The following PIEZO2 variants were observed in gnomAD, a reference collection of about 807,000 sequenced individuals.
PIEZO2 encodes piezo-type mechanosensitive ion channel component 2.
PIEZO2 carries 172 observed loss-of-function variants against 337.3 expected under a neutral mutation model. That is an observed-to-expected ratio of 0.51 (90% CI 0.45 to 0.58). The LOEUF (loss-of-function observed/expected upper bound fraction) is 0.58, where lower values mean the gene tolerates loss of function less well. PIEZO2 is among the 20% of genes least tolerant of loss of function. The pLI is 0.00. For missense variants in PIEZO2, 3,028 were observed against 3,391.3 expected, an observed-to-expected ratio of 0.89 and a Z score of 2.66; for synonymous variants, 1,251 against 1,228.5, an observed-to-expected ratio of 1.02 and a Z score of -0.38.
At chr18:10,709,182 T>C (rs1467500417) in intron 39 of PIEZO2, 2 of 152,264 alleles carry the variant, frequency 1.3e-5, no homozygotes, top group Non-Finnish European at 2.9e-5. Flanking sequence ...GATCATGTTT[T>C]AGGGCTTGTT....
At chr18:11,024,167 G>T (rs2036438018) in intron 2 of PIEZO2, among the ~76,000 whole-genome samples, 2 of 152,234 alleles carry the variant, frequency 1.3e-5, no homozygotes, top group African/African-American at 4.8e-5. Context: ...GGCACCGAAA[G>T]CGAGCGAGGG....
At chr18:11,059,221 C>A (rs1029921042) in intron 2 of PIEZO2, among the ~76,000 whole-genome samples, 3 of 115,328 alleles carry the variant, frequency 2.6e-5, no homozygotes, top group African/African-American at 7.5e-5. Flanking sequence ...GATTTCATCA[C>A]CACCAGGCCT....
rs955058145 is a variant in PIEZO2, at chr18:11,129,618, G to A, written c.64+18907C>T. Among the ~76,000 whole-genome samples, 4 of 152,178 alleles carry A rather than the reference G, an allele frequency of 2.6e-5. No individual in the cohort carries two copies. The highest frequency in any genetic ancestry group is 4.4e-5 in the Non-Finnish European group (3 of 68,040). ...ACCCCTTGAATGAAGGGGAGGCTGA[G>A]TCCCCTTGAGGAAGAACCCCACTAC... is the stretch of plus-strand genomic sequence containing the variant. On this transcript the variant is annotated intron_variant, in intron 1 of 55. Transcript: ENST00000674853. This position sits in a 1 kb window ranked among gnomAD's most constrained non-coding sequence, Gnocchi z 4.6.
chr18:10,848,319 A>G (rs1191263133), intron 7 of PIEZO2, among the ~76,000 whole-genome samples: 6 of 152,222 alleles, frequency 3.9e-5, no homozygotes, highest in Admixed American at 2.0e-4. Flanking sequence ...ATAAACATAA[A>G]TGGTATTGCA....
intron 1 of PIEZO2, among the ~76,000 whole-genome samples, chr18:11,107,490 A>C (rs2039603207): frequency 6.6e-6 from 1 of 152,026 alleles, no homozygotes; most frequent in East Asian, 1.9e-4. Flanking sequence ...ACATTAAAAA[A>C]CTCAGTTGAA....
In PIEZO2 at chr18:10,871,353, A is replaced by T; in HGVS notation, c.392T>A (p.Ile131Asn). The part of the protein sequence containing the change: ...RVFVPDIGMF[I>N]ASLTIWLLCR... ...GAGGAGCCAGATGGTCAGACTAGCAATGAACATCCCGATGTCAGGTACAAA... is the reference window on the plus strand; with the variant it reads ...GAGGAGCCAGATGGTCAGACTAGCATTGAACATCCCGATGTCAGGTACAAA... Residue 131 changes from isoleucine (I) to asparagine (N), a missense_variant, in exon 5 of 56, where the codon ATT (isoleucine) becomes AAT (asparagine). Physicochemically the swap from Ile to Asn is moderately radical, Grantham distance 149. Coordinates refer to ENST00000674853, the MANE Select transcript of PIEZO2 (RefSeq NM_001378183.1). The T allele has an allele frequency of 6.5e-7, 1 of 1,537,354 alleles. No individual in the cohort carries two copies. Among genetic ancestry groups the T allele is most frequent in the Non-Finnish European group, 8.7e-7 (1 of 1,146,850 alleles).
intron 36 of PIEZO2, among the ~76,000 whole-genome samples, chr18:10,731,179 A>T (rs1473994294): frequency 1.3e-4 from 1 of 7,678 alleles, no homozygotes; most frequent in Non-Finnish European, 2.6e-4. Context: ...TTAAAAGATT[A>T]TATATATATA....
At chr18:10,918,269 ATTAT>A (rs2031149208) in intron 3 of PIEZO2, among the ~76,000 whole-genome samples, 1 of 152,126 alleles carries the variant, frequency 6.6e-6, no homozygotes. Context: ...AAGACAAAAC[ATTAT>A]TTATCATCCC....
rs2146317785 is a variant in PIEZO2 at position 11,149,181 on chromosome 18, C to T, written c.-593G>A. Among the ~76,000 whole-genome samples the T allele has an allele frequency of 6.6e-6, 1 of 152,212 alleles. No homozygotes were observed. Among genetic ancestry groups the T allele is most frequent in the South Asian group, 2.1e-4 (1 of 4,832 alleles). ...GGCTCCGGGTCTCGCCCTCCAGCCC[C>T]CAGGCGGCCCGCGGCGGATCCCCGA... On this transcript the variant is annotated 5_prime_UTR_variant, in exon 1 of 56. Transcript: ENST00000674853. This position sits in a 1 kb window ranked among gnomAD's most constrained non-coding sequence, Gnocchi z 8.7.
intron 4 of PIEZO2, among the ~76,000 whole-genome samples, chr18:10,887,023 CA>C (rs1350132540): frequency 4.1e-5 from 6 of 147,128 alleles, no homozygotes; most frequent in Non-Finnish European, 5.9e-5. Context: ...AGAGCAGGAG[CA>C]AGAGAGACGG....
intron 2 of PIEZO2, among the ~76,000 whole-genome samples, chr18:10,994,730 C>A (rs1354275935): frequency 6.6e-6 from 1 of 151,800 alleles, no homozygotes; most frequent in Admixed American, 6.6e-5. Flanking sequence ...TTTAAGGAAC[C>A]TCTGTATTGT....
At chr18:10,886,932 T>C (rs2144903127) in intron 4 of PIEZO2, among the ~76,000 whole-genome samples, 1 of 152,144 alleles carries the variant, frequency 6.6e-6, no homozygotes, top group African/African-American at 2.4e-5. Flanking sequence ...GGTGCTGGCA[T>C]TTGCTTGGTG....
In PIEZO2 at chr18:10,821,319, A is replaced by C. The variant is rs2040515672; in HGVS notation, c.918-14045T>G. ...ACTTCCAATAGCTCAGCATCTGAAA[A>C]CAGTTGTTTCATATATTTTCTCTAG... On this transcript the variant is annotated intron_variant, in intron 7 of 55. Coordinates refer to ENST00000674853, the MANE Select transcript of PIEZO2 (RefSeq NM_001378183.1). The surrounding 1 kb of genome is among the most constrained non-coding windows in gnomAD (Gnocchi z 4.2). Among the ~76,000 whole-genome samples the C allele has an allele frequency of 6.6e-6, 1 of 152,096 alleles. No homozygotes were observed. The highest frequency in any genetic ancestry group is 1.5e-5 in the Non-Finnish European group (1 of 68,018).
Position 10,973,294 on chromosome 18 carries a change from C to T in PIEZO2, c.286+6241G>A, listed in dbSNP as rs1298619011. Among the ~76,000 whole-genome samples, 1 of 152,194 alleles carries T rather than the reference C, an allele frequency of 6.6e-6. No homozygotes were observed. The highest frequency in any genetic ancestry group is 1.5e-5 in the Non-Finnish European group (1 of 68,040). On this transcript the variant is annotated intron_variant, in intron 3 of 55. Coordinates refer to ENST00000674853, the MANE Select transcript of PIEZO2 (RefSeq NM_001378183.1). This position sits in a 1 kb window ranked among gnomAD's most constrained non-coding sequence, Gnocchi z 4.9. ...TAAAAACAATGTGTATTCATTACTCCAAGAGCGTTGACTCCATCAGATATT... is the reference window on the plus strand; with the variant it reads ...TAAAAACAATGTGTATTCATTACTCTAAGAGCGTTGACTCCATCAGATATT...
chr18:10,767,760 G>A lies in PIEZO2; in HGVS notation c.2946+2388C>T, dbSNP rs963700242. 6.6e-6 allele frequency among the ~76,000 whole-genome samples: 1 copy of A among 152,212 alleles called. No homozygotes were observed. Among genetic ancestry groups the A allele is most frequent in the Admixed American group, 6.5e-5 (1 of 15,294 alleles). On this transcript the variant is annotated intron_variant, in intron 21 of 55. Coordinates refer to ENST00000674853, the MANE Select transcript of PIEZO2 (RefSeq NM_001378183.1). The surrounding 1 kb of genome is among the most constrained non-coding windows in gnomAD (Gnocchi z 4.2). ...ACCCAGAGCTGCTCCAAGGCTGCGGGGAAGGCTGTCTGGAAGGGCAGCAGG... is the reference window on the plus strand; with the variant it reads ...ACCCAGAGCTGCTCCAAGGCTGCGGAGAAGGCTGTCTGGAAGGGCAGCAGG...
chr18:10,857,247 G>C lies in PIEZO2; in HGVS notation c.493-36C>G, dbSNP rs1158970482. The C allele has an allele frequency of 1.5e-5, 22 of 1,512,156 alleles. No homozygotes were observed. In the East Asian group the frequency reaches 5.4e-4, roughly 37 times the overall value. 93.7% of individuals were successfully genotyped at this position (1,512,156 alleles called of 1,614,324 possible). On this transcript the variant is annotated intron_variant, in intron 5 of 55. Coordinates refer to ENST00000674853, the MANE Select transcript of PIEZO2 (RefSeq NM_001378183.1). ...GACAAACAGGAAACACTCAAGTCCA[G>C]GAGCCTGCCTATCCAGCCAGCAGAT...
intron 2 of PIEZO2, among the ~76,000 whole-genome samples, chr18:11,044,211 T>C: frequency 6.7e-6 from 1 of 149,956 alleles, no homozygotes; most frequent in East Asian, 1.9e-4. Context: ...ATACATAAAA[T>C]ATATATTTAA....
At position 10,794,327 on chromosome 18, in the gene PIEZO2, A is replaced by G. The variant is rs867810667; in HGVS notation, c.1758+445T>C. ...TCATACTTCATTTTTGCTGCTAAAA[A>G]TGTTCTTTAGGAAAGAATTGGAGAA... On this transcript the variant is annotated intron_variant, in intron 13 of 55. Transcript: ENST00000674853. The surrounding 1 kb of genome is among the most constrained non-coding windows in gnomAD (Gnocchi z 6.6). Among the ~76,000 whole-genome samples, 2 of 152,242 alleles carry G rather than the reference A, an allele frequency of 1.3e-5. No homozygotes were observed. Among genetic ancestry groups the G allele is most frequent in the Non-Finnish European group, 1.5e-5 (1 of 68,044 alleles).
In PIEZO2 at chr18:10,819,778, T is replaced by C. The variant is rs1365704655; in HGVS notation, c.918-12504A>G. On this transcript the variant is annotated intron_variant, in intron 7 of 55. Transcript: ENST00000674853. This position sits in a 1 kb window ranked among gnomAD's most constrained non-coding sequence, Gnocchi z 4.3. ...GAATCTCATTTCAAGAGCTTGTAATTTGTAGAGCTAAGCTTCTACCTGAAA... is the reference window on the plus strand; with the variant it reads ...GAATCTCATTTCAAGAGCTTGTAATCTGTAGAGCTAAGCTTCTACCTGAAA... 1.3e-5 allele frequency among the ~76,000 whole-genome samples: 2 copies of C among 152,238 alleles called. No individual in the cohort carries two copies. Among genetic ancestry groups the C allele is most frequent in the Non-Finnish European group, 2.9e-5 (2 of 68,034 alleles).
Sources: gnomAD v4.1 joint callset for allele counts (sites outside exome capture counted in the v4.1 genomes callset) on GRCh38, gnomAD v4.1.1 for gene constraint, Gnocchi (gnomAD v3.1) non-coding constraint, MANE v1.5 for transcripts, NCBI Gene and HGNC (gene_info 2026-07-23, HGNC 2026-07-21) for gene names.